Variants in VANGL1 observed in about 807,000 individuals in gnomAD.
VANGL1 encodes vang-like protein 1.
A neutral mutation model predicts 48.4 loss-of-function variants in VANGL1; 18 were observed. That is an observed-to-expected ratio of 0.37 (90% CI 0.26 to 0.55). The LOEUF (loss-of-function observed/expected upper bound fraction) is 0.55. Among genes scored for constraint, VANGL1 ranks in the 20% least tolerant of loss-of-function variants. VANGL1 has a pLI of 0.81. For synonymous variants in VANGL1, 257 were observed against 261.8 expected (o/e 0.98, Z 0.18); for missense variants, 667 against 675.8 (o/e 0.99, Z 0.14).
At chr1:115,656,806 G>A (rs1414211386) in intron 2 of VANGL1, among the ~76,000 whole-genome samples, 2 of 152,214 alleles carry the variant, frequency 1.3e-5, no homozygotes, top group Non-Finnish European at 2.9e-5. Context: ...CCCTGGTAGG[G>A]TTCAGGCTCC....
chr1:115,652,952 A>G (rs1315581796), intron 2 of VANGL1, among the ~76,000 whole-genome samples: 1 of 152,176 alleles, frequency 6.6e-6, no homozygotes, highest in Non-Finnish European at 1.5e-5. Context: ...TTAGAAATGA[A>G]TGGAATATAG....
At chr1:115,673,798 C>T (rs887575899) in intron 4 of VANGL1, among the ~76,000 whole-genome samples, 5 of 151,970 alleles carry the variant, frequency 3.3e-5, no homozygotes, top group Admixed American at 6.6e-5. Flanking sequence ...TGGGGTTTCA[C>T]TTTGTTGGTC....
At chr1:115,649,266 T>A (rs1652047891) in intron 1 of VANGL1, among the ~76,000 whole-genome samples, 1 of 152,194 alleles carries the variant, frequency 6.6e-6, no homozygotes, top group Non-Finnish European at 1.5e-5. Context: ...TGCTGTGTTT[T>A]CACATTTAAT....
At chr1:115,657,971 C>T (rs1308798183) in intron 2 of VANGL1, among the ~76,000 whole-genome samples, 4 of 152,178 alleles carry the variant, frequency 2.6e-5, no homozygotes, top group African/African-American at 7.2e-5. Context: ...CACTCACTAT[C>T]GTGAAGATAG....
intron 5 of VANGL1, among the ~76,000 whole-genome samples, chr1:115,682,872 C>T (rs567745113): frequency 6.6e-6 from 1 of 152,282 alleles, no homozygotes; most frequent in East Asian, 1.9e-4. Context: ...TCTCAGTAGT[C>T]CAGGCATCTG....
chr1:115,682,595 C>T, intron 5 of VANGL1, 98 bp downstream of exon 5: 1 of 1,562,592 alleles, frequency 6.4e-7, no homozygotes, highest in East Asian at 2.2e-5. Flanking sequence ...TTCTCTGGGC[C>T]TACCTTTATG....
intron 2 of VANGL1, among the ~76,000 whole-genome samples, chr1:115,658,145 G>T (rs753542724): frequency 1.4e-4 from 22 of 152,196 alleles, no homozygotes; most frequent in Non-Finnish European, 2.8e-4. Context: ...GAATAGAATT[G>T]TTGTCACTGA....
intron 7 of VANGL1, among the ~76,000 whole-genome samples, chr1:115,690,307 C>A (rs1197556281): frequency 6.6e-6 from 1 of 152,090 alleles, no homozygotes; most frequent in Non-Finnish European, 1.5e-5. Flanking sequence ...AAGAGAAGAG[C>A]CTTAAGAAGA....
intron 2 of VANGL1, among the ~76,000 whole-genome samples, chr1:115,653,841 CTG>C (rs1340030662): frequency 6.6e-6 from 1 of 152,200 alleles, no homozygotes; most frequent in Non-Finnish European, 1.5e-5. Context: ...GATATCTACT[CTG>C]AGAAAAGCTC....
In VANGL1 at chr1:115,682,413, A is replaced by G; in HGVS notation, c.862A>G (p.Thr288Ala). Residue 288 changes from threonine to alanine, a missense_variant, in exon 5 of 8, where the codon ACC (threonine) becomes GCC (alanine). Transcript: ENST00000355485. ...CCTAGAAAATTACTACAAAGATTTCACCATCTATAACCCAAACCTCCTAAC... is the reference window on the plus strand; with the variant it reads ...CCTAGAAAATTACTACAAAGATTTCGCCATCTATAACCCAAACCTCCTAAC... ...VVLENYYKDF[T>A]IYNPNLLTAS... The G allele has an allele frequency of 6.2e-7, 1 of 1,614,186 alleles. No individual in the cohort carries two copies. Among genetic ancestry groups the G allele is most frequent in the Non-Finnish European group, 8.5e-7 (1 of 1,180,036 alleles).
At chr1:115,687,451 T>C (rs1266468388) in intron 7 of VANGL1, among the ~76,000 whole-genome samples, 7 of 138,882 alleles carry the variant, frequency 5.0e-5, no homozygotes, top group Non-Finnish European at 9.5e-5. Flanking sequence ...TACAAGATTT[T>C]AGAAAGTTTC....
At chr1:115,680,126 CAG>C (rs1374969702) in intron 4 of VANGL1, among the ~76,000 whole-genome samples, 2 of 151,952 alleles carry the variant, frequency 1.3e-5, no homozygotes, top group African/African-American at 2.4e-5. Context: ...ATGCCATGGA[CAG>C]GGGGCAAGGA....
At chr1:115,671,802 G>A (rs538928728) in intron 4 of VANGL1, among the ~76,000 whole-genome samples, 52 of 152,320 alleles carry the variant, frequency 3.4e-4, no homozygotes, top group Non-Finnish European at 1.0e-4. Context: ...CTCACTTGTA[G>A]GGAAGCGTGT....
intron 7 of VANGL1, among the ~76,000 whole-genome samples, chr1:115,686,143 G>A (rs1465756763): frequency 6.6e-6 from 1 of 152,034 alleles, no homozygotes; most frequent in Non-Finnish European, 1.5e-5. Context: ...CTGTCAGAGA[G>A]ATATTATTAT....
chr1:115,688,216 C>T (rs146530538), intron 7 of VANGL1, among the ~76,000 whole-genome samples: 1 of 137,952 alleles, frequency 7.2e-6, no homozygotes, highest in East Asian at 2.0e-4. Flanking sequence ...AGATCTTACT[C>T]ATACAGATAT....
At chr1:115,658,777 A>G (rs1652436812) in intron 2 of VANGL1, among the ~76,000 whole-genome samples, 1 of 152,162 alleles carries the variant, frequency 6.6e-6, no homozygotes, top group South Asian at 2.1e-4. Context: ...GTTATTGCCC[A>G]GGTTGTGACC....
chr1:115,659,763 A>G lies in VANGL1; in HGVS notation c.194A>G (p.Glu65Gly). Residue 65 changes from glutamate (E) to glycine (G), a missense_variant, in exon 3 of 8, where the codon GAG becomes GGG. Transcript: ENST00000355485. Reference sequence around the variant, plus strand: ...TTGGGAAATGATTCTACTCGGACAGAGGAAGTTCAGGTAAGGATCAAAGGT... The same window carrying G: ...TTGGGAAATGATTCTACTCGGACAGGGGAAGTTCAGGTAAGGATCAAAGGT... ...PLLGNDSTRT[E>G]EVQDDNWGET... is the part of the protein sequence containing the mutation. The G allele has an allele frequency of 2.5e-6, 4 of 1,614,152 alleles. No individual in the cohort carries two copies. Among genetic ancestry groups the G allele is most frequent in the Non-Finnish European group, 3.4e-6 (4 of 1,180,032 alleles).
intron 5 of VANGL1, 72 bp downstream of exon 5, chr1:115,682,569 C>G (rs1055061724): frequency 6.2e-7 from 1 of 1,609,892 alleles, no homozygotes; most frequent in Non-Finnish European, 8.5e-7. Context: ...ATTCATGGTA[C>G]GTTTGGTTCG....
At chr1:115,677,643 C>G (rs973614524) in intron 4 of VANGL1, among the ~76,000 whole-genome samples, 1 of 152,172 alleles carries the variant, frequency 6.6e-6, no homozygotes, top group Admixed American at 6.5e-5. Flanking sequence ...GTATTTCTTT[C>G]CCTGGGTTGT....
Sources: gnomAD v4.1 joint callset for allele counts (sites outside exome capture counted in the v4.1 genomes callset) on GRCh38, gnomAD v4.1.1 for gene constraint, MANE v1.5 for transcripts, NCBI Gene and HGNC (gene_info 2026-07-23, HGNC 2026-07-21) for gene names.